TCP11: variants seen among roughly 807,000 people sequenced by gnomAD.
TCP11 encodes the protein T-complex protein 11 homolog.
Under a neutral mutation model 45.0 loss-of-function variants are expected in TCP11, and 34 were observed. The ratio of observed to expected loss-of-function variants is 0.76; its 90% confidence interval spans 0.57 to 1.01. The LOEUF is 1.01. Among genes scored for constraint, TCP11 ranks in the 50% least tolerant of loss-of-function variants. The pLI is 0.00. For synonymous variants in TCP11, 227 were observed against 227.0 expected, an observed-to-expected ratio of 1.00 and a Z score of 0.00; for missense variants, 523 against 598.1, an observed-to-expected ratio of 0.87 and a Z score of 1.31.
rs535172456 is a variant in TCP11, at chr6:35,128,726, G to A, written c.357+336C>T. The A allele has an allele frequency of 6.5e-5, 13 of 199,078 alleles. No homozygotes were observed. The South Asian group carries it at 1.0e-3, about 16-fold the overall frequency. The allele number at this position is 199,078 out of a possible 1,614,324, so 12.3% of individuals were successfully genotyped here. A position where few individuals can be genotyped will look rare whatever the true frequency, so the allele number is the denominator to read the frequency against. ...GCACTGTGGTCAGCAGCATACACAG[G>A]CCAGTAACGTCTCATGGCATAGCTA... On this transcript the variant is annotated intron_variant, in intron 4 of 9. Transcript: ENST00000311875.
intron 1 of TCP11, 35 bp from the exon 2 acceptor site, chr6:35,140,919 G>T: frequency 6.5e-7 from 1 of 1,528,184 alleles, no homozygotes; most frequent in South Asian, 1.3e-5. Flanking sequence ...GTTGGCGTCG[G>T]GGAAGGGGCC....
At chr6:35,129,452 G>A (rs1308778949) in intron 3 of TCP11, among the ~76,000 whole-genome samples, 2 of 152,206 alleles carry the variant, frequency 1.3e-5, no homozygotes, top group Non-Finnish European at 2.9e-5. Context: ...ATGGAGAGAA[G>A]TCAGGCTGAC....
At chr6:35,124,129 TG>T (rs1779582062) in intron 4 of TCP11, among the ~76,000 whole-genome samples, 1 of 152,166 alleles carries the variant, frequency 6.6e-6, no homozygotes, top group Non-Finnish European at 1.5e-5. Flanking sequence ...GCACCACATT[TG>T]TGTTTGCTAC....
Position 35,140,893 on chromosome 6 carries a change from G to C in TCP11, c.-14-9C>G. ...CATTTTGCTGATGGTATCTGGGTGA[G>C]GGAGAAAGGCGTGTTGTTGGCGTCG... On this transcript the variant is annotated splice_polypyrimidine_tract_variant and intron_variant, in intron 1 of 9. Transcript: ENST00000311875. The C allele has an allele frequency of 6.4e-7, 1 of 1,560,934 alleles. No homozygotes were observed.
chr6:35,141,138 T>A, intron 1 of TCP11, 67 bp downstream of exon 1: 1 of 1,315,112 alleles, frequency 7.6e-7, no homozygotes. Context: ...GCCCCTTCCT[T>A]CGCGGCGAGG....
intron 8 of TCP11, among the ~76,000 whole-genome samples, chr6:35,119,726 A>G (rs1779022519): frequency 6.6e-6 from 1 of 152,142 alleles, no homozygotes; most frequent in African/African-American, 2.4e-5. Context: ...TTATTTTTAT[A>G]TATATATGTT....
In TCP11 at chr6:35,120,085, A is replaced by G. The variant is rs1779052012; in HGVS notation, c.1115+74T>C. On this transcript the variant is annotated intron_variant, in intron 8 of 9. Transcript: ENST00000311875. The surrounding 1 kb of genome is among the most constrained non-coding windows in gnomAD (Gnocchi z 4.9). ...CTGTGGTTTGTGGTAGACAGTAAGC[A>G]ATCGTTCATTACCTGCCTATGTTCT... 1 of 1,535,898 alleles carries G rather than the reference A, an allele frequency of 6.5e-7. No individual in the cohort carries two copies. Among genetic ancestry groups the G allele is most frequent in the Non-Finnish European group, 8.8e-7 (1 of 1,134,784 alleles).
intron 4 of TCP11, among the ~76,000 whole-genome samples, chr6:35,123,984 A>G (rs1359639012): frequency 2.0e-5 from 3 of 151,330 alleles, no homozygotes; most frequent in Admixed American, 2.0e-4. Context: ...CTAGAGATGG[A>G]GGTCTTGCTG....
rs1420828518 is a variant in TCP11 at position 35,136,112 on chromosome 6, T to G, written c.231A>C (p.Pro77=). Residue 77 remains proline (P), a synonymous_variant, in exon 3 of 10, where the codon CCA becomes CCC. Coordinates refer to ENST00000311875, the MANE Select transcript of TCP11 (RefSeq NM_001370687.1). ...DYYMEEKVLP[P]SSLEGKVKET... is the part of the protein sequence containing the mutation. ...GAAAGAAGAAGAGTCTATACCTGCTTGGAGGTAAAACCTTCTCTTCCATGT... is the reference window on the plus strand; with the variant it reads ...GAAAGAAGAAGAGTCTATACCTGCTGGGAGGTAAAACCTTCTCTTCCATGT... 1 of 1,613,084 alleles carries G rather than the reference T, an allele frequency of 6.2e-7. No individual in the cohort carries two copies. The highest frequency in any genetic ancestry group is 8.5e-7 in the Non-Finnish European group (1 of 1,179,332).
intron 4 of TCP11, among the ~76,000 whole-genome samples, chr6:35,125,161 G>T (rs1170672631): frequency 6.8e-6 from 1 of 146,580 alleles, no homozygotes; most frequent in African/African-American, 2.5e-5. Context: ...TACAGCCTGG[G>T]TGACAGAGCA....
At chr6:35,118,538 A>C (rs766251925) in intron 9 of TCP11, 37 bp from the exon 10 acceptor site, 6 of 1,585,484 alleles carry the variant, frequency 3.8e-6, no homozygotes, top group Non-Finnish European at 4.3e-6. Context: ...GGGAAAAGGC[A>C]AACAGATTTC....
In TCP11 at chr6:35,141,259, GC is replaced by G; in HGVS notation, c.-70del. The G allele has an allele frequency of 5.4e-6, 1 of 183,606 alleles. No homozygotes were observed. Among genetic ancestry groups the G allele is most frequent in the Middle Eastern group, 1.3e-3 (1 of 754 alleles). 11.4% of individuals were successfully genotyped at this position (183,606 alleles called of 1,614,324 possible). On this transcript the variant is annotated 5_prime_UTR_variant, in exon 1 of 10. Coordinates refer to ENST00000311875, the MANE Select transcript of TCP11 (RefSeq NM_001370687.1). ...TGGCGTCCGCTCGGTGGGCCTCGCG[GC>G]CTGGCGGCCTGGAGCGTACCACCGC...
In TCP11 at chr6:35,141,308, T is replaced by C. The variant is rs2127701824; in HGVS notation, c.-118A>G. ...CGCGGCGGAGCGGCGGGTTGGGGCG[T>C]CGCACGGTGAGAAAGGCCGGGGCCT... On this transcript the variant is annotated 5_prime_UTR_variant, in exon 1 of 10. Transcript: ENST00000311875. 7.8e-7 allele frequency: 1 copy of C among 1,274,708 alleles called. No individual in the cohort carries two copies. Among genetic ancestry groups the C allele is most frequent in the Admixed American group, 4.2e-5 (1 of 23,856 alleles). The allele number at this position is 1,274,708 out of a possible 1,614,324, so 79.0% of individuals were successfully genotyped here.
intron 3 of TCP11, among the ~76,000 whole-genome samples, chr6:35,131,921 T>TG (rs1201940395): frequency 6.6e-6 from 1 of 152,174 alleles, no homozygotes; most frequent in Non-Finnish European, 1.5e-5. Flanking sequence ...CATCATCTCT[T>TG]ACAATTAACT....
intron 4 of TCP11, among the ~76,000 whole-genome samples, chr6:35,123,757 G>T (rs868081300): frequency 8.0e-5 from 12 of 150,690 alleles, no homozygotes; most frequent in Non-Finnish European, 1.3e-4. Flanking sequence ...AAAGTGCTGG[G>T]ATTATAATCA....
At chr6:35,132,865 C>T (rs1034957954) in intron 3 of TCP11, among the ~76,000 whole-genome samples, 1 of 151,814 alleles carries the variant, frequency 6.6e-6, no homozygotes, top group Non-Finnish European at 1.5e-5. Flanking sequence ...TCTCTCCTCC[C>T]CTGTGAGCAA....
chr6:35,121,914 A>G (rs1250624500), intron 5 of TCP11, among the ~76,000 whole-genome samples: 1 of 152,184 alleles, frequency 6.6e-6, no homozygotes, highest in East Asian at 1.9e-4. Context: ...GGGGGGCCCA[A>G]TCAAGCTAAG....
At position 35,131,747 on chromosome 6, in the gene TCP11, G is replaced by A. The variant is rs985186048; in HGVS notation, c.237-2565C>T. 9.2e-5 allele frequency among the ~76,000 whole-genome samples: 14 copies of A among 152,258 alleles called. No homozygotes were observed. The East Asian group carries it at 1.5e-3, about 17-fold the overall frequency. Reference sequence around the variant, plus strand: ...TCCTGGAAAAGTCCTCCTGAGCAGCGGGGTTTACAGCTGCCTCATTTTTAA... The same window carrying A: ...TCCTGGAAAAGTCCTCCTGAGCAGCAGGGTTTACAGCTGCCTCATTTTTAA... On this transcript the variant is annotated intron_variant, in intron 3 of 9. Coordinates refer to ENST00000311875, the MANE Select transcript of TCP11 (RefSeq NM_001370687.1).
chr6:35,120,627 G>A lies in TCP11; in HGVS notation c.735C>T (p.Thr245=). The part of the protein sequence containing the change: ...NKQPSLLNHT[T]KWLTQAAGDL... The stretch of plus-strand genomic sequence containing the variant: ...CTCCTGCTGCTTGGGTCAGCCATTT[G>A]GTGGTGTGATTAAGGAGACCTATGA... The change falls in exon 7 of 10, where the codon ACC becomes ACT. Residue 245 remains threonine, a synonymous_variant. Transcript: ENST00000311875. This position sits in a 1 kb window ranked among gnomAD's most constrained non-coding sequence, Gnocchi z 4.9. 3 of 1,613,586 alleles carry A rather than the reference G, an allele frequency of 1.9e-6. No individual in the cohort carries two copies. The highest frequency in any genetic ancestry group is 1.1e-5 in the South Asian group (1 of 91,042).
Sources: allele counts gnomAD v4.1 joint callset (sites outside exome capture counted in the v4.1 genomes callset), GRCh38; gene constraint gnomAD v4.1.1; non-coding constraint Gnocchi (gnomAD v3.1); transcripts MANE v1.5; gene names NCBI Gene and HGNC (gene_info 2026-07-23, HGNC 2026-07-21).